Variants in CDH8 observed in about 807,000 individuals in gnomAD.
CDH8 encodes the protein cadherin-8.
Under a neutral mutation model 68.1 loss-of-function variants are expected in CDH8, and 17 were observed. The ratio of observed to expected loss-of-function variants is 0.25; its 90% CI spans 0.17 to 0.37. The LOEUF (loss-of-function observed/expected upper bound fraction) is 0.37, where lower values mean the gene tolerates loss of function less well. Among genes scored for constraint, CDH8 ranks in the 10% least tolerant of loss-of-function variants. The pLI, the probability that CDH8 is intolerant of heterozygous loss-of-function variation, is 1.00. For missense variants in CDH8, 763 were observed against 999.3 expected (o/e 0.76, Z 3.19); for synonymous variants, 372 against 365.1 (o/e 1.02, Z -0.21).
At chr16:61,996,573 A>G (rs914721576) in intron 2 of CDH8, among the ~76,000 whole-genome samples, 29 of 152,176 alleles carry the variant, frequency 1.9e-4, no homozygotes, top group South Asian at 1.4e-3. Flanking sequence ...AAGTTTTTGC[A>G]AAAACAGGGA....
At chr16:61,688,037 G>A (rs887511956) in intron 10 of CDH8, among the ~76,000 whole-genome samples, 1 of 152,010 alleles carries the variant, frequency 6.6e-6, no homozygotes, top group African/African-American at 2.4e-5. Flanking sequence ...AAAGGACTCT[G>A]ATTTATTTCT....
At chr16:61,964,491 T>C (rs1347771068) in intron 2 of CDH8, among the ~76,000 whole-genome samples, 1 of 151,682 alleles carries the variant, frequency 6.6e-6, no homozygotes, top group Non-Finnish European at 1.5e-5. Context: ...CAGGCATACA[T>C]GATGAGAACG....
intron 8 of CDH8, among the ~76,000 whole-genome samples, chr16:61,736,456 T>C (rs913533460): frequency 6.6e-6 from 1 of 152,188 alleles, no homozygotes; most frequent in Non-Finnish European, 1.5e-5. Flanking sequence ...AGAAATTATG[T>C]TTCATTTTGT....
At position 61,648,025 on chromosome 16, in the gene CDH8, C is replaced by T; in HGVS notation, c.*5583G>A. On this transcript the variant is annotated 3_prime_UTR_variant, in exon 12 of 12. Coordinates refer to ENST00000577390, the MANE Select transcript of CDH8 (RefSeq NM_001796.5). ...ATAGTACCCAAAGGCACTATTTTCACCAGCAAATGCCTACTAACCTTGAGA... is the reference window on the plus strand; with the variant it reads ...ATAGTACCCAAAGGCACTATTTTCATCAGCAAATGCCTACTAACCTTGAGA... 1 of 575,732 alleles carries T rather than the reference C, an allele frequency of 1.7e-6. No individual in the cohort carries two copies. The highest frequency in any genetic ancestry group is 3.1e-6 in the Non-Finnish European group (1 of 324,106). 35.7% of individuals were successfully genotyped at this position (575,732 alleles called of 1,614,324 possible). A position where few individuals can be genotyped will look rare whatever the true frequency, so the allele number is the denominator to read the frequency against.
At chr16:61,801,257 C>A (rs1961619919) in intron 7 of CDH8, among the ~76,000 whole-genome samples, 1 of 152,008 alleles carries the variant, frequency 6.6e-6, no homozygotes, top group African/African-American at 2.4e-5. Context: ...AACTAATAGC[C>A]AGGTCTAGTA....
chr16:62,018,999 A>T (rs1312199675), intron 2 of CDH8, among the ~76,000 whole-genome samples: 1 of 152,232 alleles, frequency 6.6e-6, no homozygotes, highest in Admixed American at 6.5e-5. Flanking sequence ...ACCCAGATAA[A>T]AATGAATTGT....
chr16:61,881,852 C>T (rs1344483083), intron 3 of CDH8, among the ~76,000 whole-genome samples: 1 of 152,154 alleles, frequency 6.6e-6, no homozygotes, highest in Non-Finnish European at 1.5e-5. Context: ...TTGAACGCTT[C>T]AAGGAAGCAT....
At chr16:61,821,167 T>C in intron 5 of CDH8, 54 bp from the exon 6 acceptor site, 4 of 1,415,680 alleles carry the variant, frequency 2.8e-6, no homozygotes, top group South Asian at 2.6e-5. Context: ...CATTCATTCA[T>C]TCATATGGCA....
intron 10 of CDH8, among the ~76,000 whole-genome samples, chr16:61,701,147 A>G (rs189677511): frequency 6.6e-6 from 1 of 152,194 alleles, no homozygotes; most frequent in South Asian, 2.1e-4. Context: ...GGCCACTGGG[A>G]GTGATCTATC....
chr16:62,005,915 A>G (rs1421214654), intron 2 of CDH8, among the ~76,000 whole-genome samples: 1 of 152,060 alleles, frequency 6.6e-6, no homozygotes, highest in African/African-American at 2.4e-5. Flanking sequence ...GGGCTTTCCT[A>G]CCTTGCTGCA....
intron 10 of CDH8, among the ~76,000 whole-genome samples, chr16:61,680,732 A>G (rs554207705): frequency 1.2e-4 from 18 of 152,000 alleles, no homozygotes; most frequent in African/African-American, 4.3e-4. Context: ...GCCACTATAG[A>G]TCCCATGGTT....
At chr16:61,772,412 G>T (rs190588142) in intron 8 of CDH8, among the ~76,000 whole-genome samples, 67 of 152,148 alleles carry the variant, frequency 4.4e-4, no homozygotes, top group Admixed American at 5.9e-4. Flanking sequence ...GACAAAGCTA[G>T]GATTAAATCC....
intron 8 of CDH8, among the ~76,000 whole-genome samples, chr16:61,767,868 G>A (rs1368943823): frequency 6.6e-6 from 1 of 151,874 alleles, no homozygotes; most frequent in East Asian, 1.9e-4. Flanking sequence ...TAAGGCAGAA[G>A]GTCTGCCTCA....
chr16:61,983,801 G>T (rs965217866), intron 2 of CDH8, among the ~76,000 whole-genome samples: 3 of 152,148 alleles, frequency 2.0e-5, no homozygotes, highest in Admixed American at 2.0e-4. Context: ...CATATTGAGG[G>T]CTCTCTTTCT....
chr16:61,916,558 CGTT>C (rs1193254208), intron 2 of CDH8, among the ~76,000 whole-genome samples: 1 of 151,976 alleles, frequency 6.6e-6, no homozygotes, highest in African/African-American at 2.4e-5. Context: ...ATAGTAAAAA[CGTT>C]GTGTCTGGCC....
chr16:61,747,373 A>G (rs924743376), intron 8 of CDH8, among the ~76,000 whole-genome samples: 8 of 152,072 alleles, frequency 5.3e-5, no homozygotes, highest in African/African-American at 1.9e-4. Flanking sequence ...TTTAAAAGGC[A>G]TAGCTAAAAT....
At chr16:61,747,666 T>C (rs1247691777) in intron 8 of CDH8, among the ~76,000 whole-genome samples, 2 of 152,026 alleles carry the variant, frequency 1.3e-5, no homozygotes, top group African/African-American at 4.8e-5. Context: ...TAGAGGTTTA[T>C]TTTTACCCTG....
chr16:62,000,551 A>G (rs1965878366), intron 2 of CDH8, among the ~76,000 whole-genome samples: 1 of 152,240 alleles, frequency 6.6e-6, no homozygotes, highest in Non-Finnish European at 1.5e-5. Context: ...TTTAGCATCT[A>G]CTAGTGTTAG....
chr16:61,998,633 T>C (rs1324077633), intron 2 of CDH8, among the ~76,000 whole-genome samples: 3 of 152,182 alleles, frequency 2.0e-5, no homozygotes, highest in Admixed American at 2.0e-4. Flanking sequence ...TCATGCCCAC[T>C]ATATGTTTGG....
Sources: allele counts gnomAD v4.1 joint callset (sites outside exome capture counted in the v4.1 genomes callset), GRCh38; gene constraint gnomAD v4.1.1; transcripts MANE v1.5; gene names NCBI Gene and HGNC (gene_info 2026-07-23, HGNC 2026-07-21).